The following TM9SF2 variants were observed in gnomAD, a reference collection of about 807,000 sequenced individuals.
TM9SF2 encodes 76 kDa membrane protein.
A neutral mutation model predicts 84.9 loss-of-function variants in TM9SF2; 13 were observed. The observed-to-expected ratio is 0.15, with a 90% CI of 0.10 to 0.24. The LOEUF (loss-of-function observed/expected upper bound fraction) is 0.24, where lower values mean the gene tolerates loss of function less well. TM9SF2 is among the 10% of genes least tolerant of loss of function. TM9SF2 has a pLI of 1.00. For synonymous variants in TM9SF2, 273 were observed against 285.8 expected (o/e 0.96, Z 0.45); for missense variants, 562 against 818.5 (o/e 0.69, Z 3.82).
intron 13 of TM9SF2, among the ~76,000 whole-genome samples, chr13:99,553,900 C>G (rs182645915): frequency 6.6e-6 from 1 of 152,218 alleles, no homozygotes; most frequent in Admixed American, 6.5e-5. Flanking sequence ...TGACATTGCG[C>G]ACCTCCAAAT....
intron 1 of TM9SF2, among the ~76,000 whole-genome samples, chr13:99,506,000 C>G (rs1289701455): frequency 6.6e-6 from 1 of 152,016 alleles, no homozygotes; most frequent in Non-Finnish European, 1.5e-5. Context: ...GAAAAATGAC[C>G]AATTATACCC....
intron 7 of TM9SF2, among the ~76,000 whole-genome samples, chr13:99,540,276 G>A (rs976632368): frequency 6.6e-6 from 1 of 151,720 alleles, no homozygotes; most frequent in African/African-American, 2.4e-5. Context: ...CAAACCTGGT[G>A]CAGTAAATAG....
rs184803425 is a variant in TM9SF2 at position 99,537,345 on chromosome 13, A to T, written c.592-394A>T. 9.4e-4 allele frequency among the ~76,000 whole-genome samples: 143 copies of T among 152,324 alleles called. 1 individual carries two copies. The highest frequency in any genetic ancestry group is 6.8e-3 in the Middle Eastern group (2 of 294). On this transcript the variant is annotated intron_variant, in intron 5 of 16. Transcript: ENST00000376387. ...GTGCTTTTGTGAGTGCTGACCAGAG[A>T]TACTTGAATAATTTAGGTTATGAGT...
At chr13:99,541,208 C>G (rs369811381) in intron 8 of TM9SF2, among the ~76,000 whole-genome samples, 36 of 152,358 alleles carry the variant, frequency 2.4e-4, no homozygotes, top group Middle Eastern at 6.8e-3. Context: ...TTGACACTCA[C>G]TAATTTACTG....
Position 99,531,641 on chromosome 13 carries a change from A to G in TM9SF2, c.461+2047A>G, listed in dbSNP as rs906937286. Among the ~76,000 whole-genome samples the G allele has an allele frequency of 2.6e-5, 4 of 152,068 alleles. No individual in the cohort carries two copies. In the South Asian group the frequency reaches 8.3e-4, roughly 31 times the overall value. ...CATAAGAATGGGTTCTGTGTAGGCT[A>G]GTGGGGCTCTGTTGGAAGGAGGGAG... On this transcript the variant is annotated intron_variant, in intron 4 of 16. Transcript: ENST00000376387.
intron 1 of TM9SF2, among the ~76,000 whole-genome samples, chr13:99,516,421 A>G (rs981559629): frequency 1.3e-5 from 2 of 152,152 alleles, no homozygotes; most frequent in Admixed American, 6.5e-5. Context: ...TAAAATAAAT[A>G]CTTGTCCCAG....
intron 3 of TM9SF2, 121 bp downstream of exon 3, chr13:99,520,250 A>G (rs1477308766): frequency 2.6e-6 from 2 of 761,556 alleles, no homozygotes; most frequent in Admixed American, 6.1e-5. Context: ...TTTTTCATCT[A>G]GGAATAGGTT....
rs1175205387 is a variant in TM9SF2, at chr13:99,563,903, G to T, written c.*1145G>T. The T allele has an allele frequency of 6.6e-6, 1 of 152,124 alleles. No homozygotes were observed. Among genetic ancestry groups the T allele is most frequent in the African/African-American group, 2.4e-5 (1 of 41,412 alleles). 9.4% of individuals were successfully genotyped at this position (152,124 alleles called of 1,614,324 possible). On this transcript the variant is annotated 3_prime_UTR_variant, in exon 17 of 17. Coordinates refer to ENST00000376387, the MANE Select transcript of TM9SF2 (RefSeq NM_004800.3). ...AATGGGGGGTGATTCTGAAGTATCG[G>T]TCTGCTTGTATCTGTGAGCATATTC...
At chr13:99,525,553 A>ATTTTT (rs34947354) in intron 3 of TM9SF2, among the ~76,000 whole-genome samples, 1 of 119,498 alleles carries the variant, frequency 8.4e-6, no homozygotes, top group African/African-American at 3.2e-5. Flanking sequence ...CTTATGATAG[A>ATTTTT]TTTTTTTTTT....
Position 99,547,072 on chromosome 13 carries a change from C to G in TM9SF2, c.1238C>G (p.Pro413Arg). ...AVVLWVLLGTPAGYVAARFYK... is the reference protein window; with the variant it reads ...AVVLWVLLGTRAGYVAARFYK... ...GTCCTGTGGGTGCTGCTGGGCACCC[C>G]TGCAGGCTATGTTGCTGCCAGATTC... Residue 413 changes from proline (P) to arginine (R), a missense_variant, in exon 11 of 17, where the codon CCT becomes CGT. By Grantham distance (103) the Pro-to-Arg change is moderately radical. Around this residue, in one of 4 missense-constraint regions of TM9SF2, gnomAD observed 219 missense variants for 338.1 expected, o/e 0.65. Transcript: ENST00000376387. 6.2e-7 allele frequency: 1 copy of G among 1,614,180 alleles called. No individual in the cohort carries two copies. Among genetic ancestry groups the G allele is most frequent in the Non-Finnish European group, 8.5e-7 (1 of 1,180,036 alleles).
intron 1 of TM9SF2, among the ~76,000 whole-genome samples, chr13:99,511,774 T>C (rs887205380): frequency 1.3e-5 from 2 of 152,210 alleles, no homozygotes; most frequent in Non-Finnish European, 2.9e-5. Flanking sequence ...TAGACTTTCT[T>C]ACAAAAGTAG....
At chr13:99,520,487 G>C (rs2046154667) in intron 3 of TM9SF2, among the ~76,000 whole-genome samples, 2 of 151,454 alleles carry the variant, frequency 1.3e-5, no homozygotes, top group Admixed American at 1.3e-4. Flanking sequence ...CTTTCCCCCT[G>C]TTTTCCAGCA....
intron 13 of TM9SF2, 27 bp from the exon 14 acceptor site, chr13:99,554,277 A>G: frequency 6.3e-7 from 1 of 1,599,900 alleles, no homozygotes; most frequent in Non-Finnish European, 8.5e-7. Flanking sequence ...CGTAATTATG[A>G]ATTCTTCCTT....
intron 1 of TM9SF2, among the ~76,000 whole-genome samples, chr13:99,517,121 A>T (rs1006132491): frequency 2.0e-5 from 3 of 152,046 alleles, no homozygotes; most frequent in South Asian, 2.1e-4. Context: ...TTAATTATTT[A>T]AAAAAATTTT....
intron 4 of TM9SF2, among the ~76,000 whole-genome samples, chr13:99,536,289 A>T (rs1431673806): frequency 6.6e-6 from 1 of 151,028 alleles, no homozygotes; most frequent in African/African-American, 2.4e-5. Flanking sequence ...AAAGGTACGA[A>T]GTTTTTTTTG....
At chr13:99,516,093 G>GGT (rs1349720899) in intron 1 of TM9SF2, among the ~76,000 whole-genome samples, 1 of 152,212 alleles carries the variant, frequency 6.6e-6, no homozygotes, top group East Asian at 1.9e-4. Flanking sequence ...AAGCACATTT[G>GGT]ACCCATGTGG....
intron 3 of TM9SF2, among the ~76,000 whole-genome samples, chr13:99,525,910 G>T (rs1344362701): frequency 6.6e-6 from 1 of 152,188 alleles, no homozygotes; most frequent in Non-Finnish European, 1.5e-5. Context: ...AGTGTGATCA[G>T]TAGATACGGG....
At position 99,562,867 on chromosome 13, in the gene TM9SF2, C is replaced by A; in HGVS notation, c.*109C>A. Reference sequence around the variant, plus strand: ...TATCAGAATTATTGGCCTAGTAATCCTTCAGAAACACCGTAATTCTAAATA... The same window carrying A: ...TATCAGAATTATTGGCCTAGTAATCATTCAGAAACACCGTAATTCTAAATA... On this transcript the variant is annotated 3_prime_UTR_variant, in exon 17 of 17. Transcript: ENST00000376387. 1 of 1,000,500 alleles carries A rather than the reference C, an allele frequency of 1.0e-6. No individual in the cohort carries two copies. Among genetic ancestry groups the A allele is most frequent in the Non-Finnish European group, 1.5e-6 (1 of 661,448 alleles). The allele number at this position is 1,000,500 out of a possible 1,614,324, so 62.0% of individuals were successfully genotyped here. A position where few individuals can be genotyped will look rare whatever the true frequency, so the allele number is the denominator to read the frequency against.
At chr13:99,526,103 T>A (rs1258503850) in intron 3 of TM9SF2, among the ~76,000 whole-genome samples, 1 of 152,168 alleles carries the variant, frequency 6.6e-6, no homozygotes, top group Non-Finnish European at 1.5e-5. Context: ...TTGCTCCTGA[T>A]TCCTCAGTGA....
Sources: allele counts gnomAD v4.1 joint callset (sites outside exome capture counted in the v4.1 genomes callset), GRCh38; gene constraint gnomAD v4.1.1; regional missense constraint gnomAD v4.1.1; transcripts MANE v1.5; gene names NCBI Gene and HGNC (gene_info 2026-07-23, HGNC 2026-07-21).